Variants in TRPS1 observed in about 807,000 individuals in gnomAD.
TRPS1 encodes the protein transcriptional repressor GATA binding 1.
TRPS1 carries 6 observed loss-of-function variants against 101.2 expected under a neutral mutation model. The ratio of observed to expected loss-of-function variants is 0.06; its 90% CI spans 0.03 to 0.12. The LOEUF (loss-of-function observed/expected upper bound fraction) is 0.12, where lower values mean the gene tolerates loss of function less well. Ranked by LOEUF, TRPS1 falls within the 10% of genes least tolerant of loss-of-function variation. The pLI, the probability that TRPS1 is intolerant of heterozygous loss-of-function variation, is 1.00. For missense variants in TRPS1, 1,363 were observed against 1,567.0 expected (o/e 0.87, Z 2.20); for synonymous variants, 578 against 589.8 (o/e 0.98, Z 0.29).
At chr8:115,503,121 G>T (rs1231279684) in intron 5 of TRPS1, among the ~76,000 whole-genome samples, 1 of 151,964 alleles carries the variant, frequency 6.6e-6, no homozygotes, top group East Asian at 1.9e-4. Context: ...GGGCGTGGTG[G>T]CGGGCGCTTG....
chr8:115,463,272 C>T (rs868681020), intron 5 of TRPS1, among the ~76,000 whole-genome samples: 1 of 152,220 alleles, frequency 6.6e-6, no homozygotes, highest in Middle Eastern at 3.4e-3. Context: ...GTGTACTGAA[C>T]ATAAGCTCTC....
intron 5 of TRPS1, among the ~76,000 whole-genome samples, chr8:115,583,059 T>A (rs758046092): frequency 3.3e-5 from 5 of 152,186 alleles, no homozygotes; most frequent in Non-Finnish European, 7.3e-5. Flanking sequence ...GTTGGTTAAT[T>A]TTTTTGTGAA....
intron 3 of TRPS1, among the ~76,000 whole-genome samples, chr8:115,607,005 T>C (rs921767514): frequency 6.6e-6 from 1 of 152,034 alleles, no homozygotes; most frequent in Admixed American, 6.6e-5. Flanking sequence ...TGCATCTGCC[T>C]TGCCAAGCTT....
intron 5 of TRPS1, among the ~76,000 whole-genome samples, chr8:115,564,644 G>T (rs1271572222): frequency 6.6e-6 from 1 of 152,002 alleles, no homozygotes; most frequent in Non-Finnish European, 1.5e-5. Flanking sequence ...CGTATGGGCC[G>T]CCAATTATTT....
chr8:115,440,243 G>T (rs1288435855), intron 5 of TRPS1, among the ~76,000 whole-genome samples: 2 of 152,192 alleles, frequency 1.3e-5, no homozygotes, highest in Non-Finnish European at 2.9e-5. Context: ...AAGAACCAAG[G>T]TATTGCCACA....
intron 5 of TRPS1, among the ~76,000 whole-genome samples, chr8:115,525,516 G>A (rs1444002999): frequency 6.6e-6 from 1 of 151,870 alleles, no homozygotes; most frequent in Non-Finnish European, 1.5e-5. Flanking sequence ...AAAGCAACAG[G>A]AATATATTTA....
Position 115,604,289 on chromosome 8 carries a change from G to A in TRPS1, c.1680C>T (p.Leu560=). The change falls in exon 4 of 7, where the codon CTC becomes CTT. Residue 560 remains leucine, a synonymous_variant. Coordinates refer to ENST00000395715, the MANE Select transcript of TRPS1 (RefSeq NM_014112.5). This position sits in a 1 kb window ranked among gnomAD's most constrained non-coding sequence, Gnocchi z 4.1. Reference sequence around the variant, plus strand: ...TGTTATGGAGCTGTTGATAATGACGGAGAAGTGGCCCCACTACAATTACAT... The same window carrying A: ...TGTTATGGAGCTGTTGATAATGACGAAGAAGTGGCCCCACTACAATTACAT... ...GPDVIVVGPL[L]RHYQQLHNIH... is the part of the protein sequence containing the mutation. 2 of 1,614,108 alleles carry A rather than the reference G, an allele frequency of 1.2e-6. No individual in the cohort carries two copies. The highest frequency in any genetic ancestry group is 1.7e-6 in the Non-Finnish European group (2 of 1,180,000).
intron 5 of TRPS1, among the ~76,000 whole-genome samples, chr8:115,556,741 T>C (rs1816829683): frequency 6.6e-6 from 1 of 152,196 alleles, no homozygotes; most frequent in African/African-American, 2.4e-5. Flanking sequence ...GGAACACTTC[T>C]GTCTAAGATC....
chr8:115,538,514 A>G (rs1816376026), intron 5 of TRPS1, among the ~76,000 whole-genome samples: 1 of 152,104 alleles, frequency 6.6e-6, no homozygotes, highest in Non-Finnish European at 1.5e-5. Context: ...AAGCCAATGG[A>G]AAGACAATCC....
intron 5 of TRPS1, among the ~76,000 whole-genome samples, chr8:115,513,684 G>A (rs1388687825): frequency 1.7e-5 from 2 of 116,244 alleles, no homozygotes; most frequent in Non-Finnish European, 3.6e-5. Flanking sequence ...GTGGCTCAAA[G>A]ACTAAAACAT....
At chr8:115,643,226 T>C (rs1818943992) in intron 1 of TRPS1, among the ~76,000 whole-genome samples, 1 of 152,136 alleles carries the variant, frequency 6.6e-6, no homozygotes, top group Non-Finnish European at 1.5e-5. Flanking sequence ...GGCAATTTCT[T>C]AAAATAAGGC....
chr8:115,664,399 G>A (rs961434315), intron 1 of TRPS1, among the ~76,000 whole-genome samples: 2 of 151,962 alleles, frequency 1.3e-5, no homozygotes, highest in East Asian at 1.9e-4. Flanking sequence ...TATCTAAGGG[G>A]GACTCAAAAA....
intron 5 of TRPS1, among the ~76,000 whole-genome samples, chr8:115,503,285 C>T (rs1451777847): frequency 6.7e-6 from 1 of 148,934 alleles, no homozygotes; most frequent in Non-Finnish European, 1.5e-5. Context: ...AATGATACTA[C>T]TTAAAGATGC....
At chr8:115,656,772 C>A (rs989110606) in intron 1 of TRPS1, among the ~76,000 whole-genome samples, 1 of 152,110 alleles carries the variant, frequency 6.6e-6, no homozygotes, top group South Asian at 2.1e-4. Flanking sequence ...ATTTCTGATG[C>A]ATCAAAACAT....
At chr8:115,419,190 T>C (rs1812993355) in intron 5 of TRPS1, among the ~76,000 whole-genome samples, 1 of 152,156 alleles carries the variant, frequency 6.6e-6, no homozygotes, top group African/African-American at 2.4e-5. Flanking sequence ...TTGATTCTAG[T>C]GGCCTGAGTT....
chr8:115,594,478 T>C (rs1817744454), intron 4 of TRPS1, among the ~76,000 whole-genome samples: 1 of 152,046 alleles, frequency 6.6e-6, no homozygotes. Flanking sequence ...TCCCATACAA[T>C]ATTCGACAAT....
chr8:115,574,545 C>T (rs2130406863), intron 5 of TRPS1, among the ~76,000 whole-genome samples: 1 of 152,104 alleles, frequency 6.6e-6, no homozygotes, highest in East Asian at 1.9e-4. Flanking sequence ...TTTGCTTTAA[C>T]ACCTGATTTT....
chr8:115,666,542 T>C (rs1028181977), intron 1 of TRPS1, among the ~76,000 whole-genome samples: 1 of 152,174 alleles, frequency 6.6e-6, no homozygotes. Context: ...TTCAGAAACT[T>C]TCATTCTCAT....
chr8:115,655,442 T>G (rs1455770343), intron 1 of TRPS1, among the ~76,000 whole-genome samples: 1 of 152,140 alleles, frequency 6.6e-6, no homozygotes, highest in Non-Finnish European at 1.5e-5. Flanking sequence ...GGCCAGCTCT[T>G]ATGGTGAAAT....
Sources: allele counts gnomAD v4.1 joint callset (sites outside exome capture counted in the v4.1 genomes callset), GRCh38; gene constraint gnomAD v4.1.1; non-coding constraint Gnocchi (gnomAD v3.1); transcripts MANE v1.5; gene names NCBI Gene and HGNC (gene_info 2026-07-23, HGNC 2026-07-21).